CXCL13: variants seen among roughly 807,000 people sequenced by gnomAD.
The protein encoded by CXCL13 is C-X-C motif chemokine ligand 13, also known as C-X-C motif chemokine 13.
CXCL13 carries 7 observed loss-of-function variants against 12.2 expected under a neutral mutation model. That is an observed-to-expected ratio of 0.57 (90% CI 0.33 to 1.07). The LOEUF (loss-of-function observed/expected upper bound fraction) is 1.07. CXCL13 is among the 50% of genes least tolerant of loss of function. The probability of loss-of-function intolerance (pLI) is 0.04; values close to 1 mark genes in which losing one functional copy is unlikely to be tolerated. For missense variants in CXCL13, 113 were observed against 127.4 expected, an observed-to-expected ratio of 0.89 and a Z score of 0.55; for synonymous variants, 47 against 42.4, an observed-to-expected ratio of 1.11 and a Z score of -0.42.
chr4:77,541,957 T>C (rs189389453), intron 1 of CXCL13, among the ~76,000 whole-genome samples: 1 of 150,612 alleles, frequency 6.6e-6, no homozygotes, highest in Non-Finnish European at 1.5e-5. Flanking sequence ...CCTAGGTGGG[T>C]TTTTTTGTGG....
intron 1 of CXCL13, among the ~76,000 whole-genome samples, chr4:77,578,109 T>A (rs372920068): frequency 3.3e-5 from 5 of 152,280 alleles, no homozygotes; most frequent in South Asian, 4.1e-4. Flanking sequence ...AAGTCCTTTT[T>A]TACCAGTCAG....
In CXCL13 at chr4:77,557,778, G is replaced by A. The variant is rs913589277; in HGVS notation, c.-43+45990G>A. Among the ~76,000 whole-genome samples, 5 of 152,198 alleles carry A rather than the reference G, an allele frequency of 3.3e-5. No individual in the cohort carries two copies. The South Asian group carries it at 8.3e-4, about 25-fold the overall frequency. On this transcript the variant is annotated intron_variant, in intron 1 of 4. Coordinates refer to the CXCL13 transcript ENST00000286758. ...CACTGAACTTCTTACTGATGCTGGA[G>A]CTTCTCACACCAGGAAAATTCTTAT...
chr4:77,520,506 G>A lies in CXCL13; in HGVS notation c.-43+8718G>A, dbSNP rs139972205. Among the ~76,000 whole-genome samples, 469 of 152,154 alleles carry A rather than the reference G, an allele frequency of 3.1e-3. 2 individuals are homozygous for A. The highest frequency in any genetic ancestry group is 0.011 in the African/African-American group (460 of 41,508). On this transcript the variant is annotated intron_variant, in intron 1 of 4. Transcript: ENST00000286758. ...TGAATGGGAGTTCACTCATCATTTG[G>A]CTCTCTGTTTGTCTGCTATTGGTGT... is the stretch of plus-strand genomic sequence containing the variant.
At chr4:77,581,311 T>C (rs548320417) in intron 1 of CXCL13, among the ~76,000 whole-genome samples, 1 of 152,358 alleles carries the variant, frequency 6.6e-6, no homozygotes, top group South Asian at 2.1e-4. Flanking sequence ...AAATATGTGC[T>C]AAAATACAAG....
At chr4:77,522,433 T>C (rs1254940407) in intron 1 of CXCL13, among the ~76,000 whole-genome samples, 1 of 151,868 alleles carries the variant, frequency 6.6e-6, no homozygotes, top group East Asian at 1.9e-4. Context: ...CCCTTATCCA[T>C]TATGTAATGG....
chr4:77,514,197 G>A (rs948934189), intron 1 of CXCL13, among the ~76,000 whole-genome samples: 1 of 152,038 alleles, frequency 6.6e-6, no homozygotes, highest in Non-Finnish European at 1.5e-5. Flanking sequence ...TCTTAATCCA[G>A]TCTGTCATTG....
chr4:77,520,181 T>G (rs1398605768), intron 1 of CXCL13, among the ~76,000 whole-genome samples: 1 of 152,180 alleles, frequency 6.6e-6, no homozygotes, highest in African/African-American at 2.4e-5. Flanking sequence ...TGGCTTAGGA[T>G]TGTCTTGGCA....
At chr4:77,592,516 T>C (rs1170242712) in intron 1 of CXCL13, among the ~76,000 whole-genome samples, 5 of 152,194 alleles carry the variant, frequency 3.3e-5, no homozygotes, top group Admixed American at 6.5e-5. Context: ...GATGGATATA[T>C]TAACTAGCTT....
intron 1 of CXCL13, among the ~76,000 whole-genome samples, chr4:77,579,973 G>A (rs736749): frequency 0.012 from 1,881 of 152,268 alleles, 44 homozygotes; most frequent in African/African-American, 0.042. Flanking sequence ...GCCAGGCATA[G>A]ACACAGAGAG....
At chr4:77,610,950 C>T in intron 3 of CXCL13, 38 bp from the exon 4 acceptor site, 6 of 1,573,106 alleles carry the variant, frequency 3.8e-6, no homozygotes, top group Non-Finnish European at 5.2e-6. Context: ...TTGTGTTTCT[C>T]TAAACATGAC....
rs569014245 is a variant in CXCL13, at chr4:77,559,688, C to T, written c.-42-46136C>T. Among the ~76,000 whole-genome samples, 19 of 152,042 alleles carry T rather than the reference C, an allele frequency of 1.2e-4. No individual in the cohort carries two copies. The South Asian group carries it at 2.5e-3, about 20-fold the overall frequency. On this transcript the variant is annotated intron_variant, in intron 1 of 4. Coordinates refer to the CXCL13 transcript ENST00000286758. ...CTGTAATCCCAGTATTTTGGGAGGC[C>T]GAGGCAGGCAGATCACGAGGTCAGG... is the stretch of plus-strand genomic sequence containing the variant.
intron 1 of CXCL13, among the ~76,000 whole-genome samples, chr4:77,582,616 G>C (rs1349258480): frequency 6.6e-6 from 1 of 152,190 alleles, no homozygotes; most frequent in African/African-American, 2.4e-5. Flanking sequence ...GATGAGTCTA[G>C]ATAAATCAGA....
intron 1 of CXCL13, among the ~76,000 whole-genome samples, chr4:77,598,722 T>C (rs1394567524): frequency 1.3e-5 from 2 of 152,174 alleles, no homozygotes; most frequent in Non-Finnish European, 2.9e-5. Context: ...TGAGACTCCA[T>C]AGTGAACACA....
intron 1 of CXCL13, among the ~76,000 whole-genome samples, chr4:77,580,485 C>T (rs1177116234): frequency 6.6e-6 from 1 of 150,924 alleles, no homozygotes; most frequent in East Asian, 1.9e-4. Context: ...CACCACCACG[C>T]ACAGCTAATT....
Position 77,528,227 on chromosome 4 carries a change from C to T in CXCL13, c.-43+16439C>T, listed in dbSNP as rs183179009. On this transcript the variant is annotated intron_variant, in intron 1 of 4. Transcript: ENST00000286758. ...AAGTCTTTGCTATTGTGAATAGTGC[C>T]GCAATAAACATATGTGTGCATGTGT... Among the ~76,000 whole-genome samples, 330 of 152,122 alleles carry T rather than the reference C, an allele frequency of 2.2e-3. 2 individuals are homozygous for T. The highest frequency in any genetic ancestry group is 5.7e-3 in the African/African-American group (236 of 41,494).
At chr4:77,535,509 CTA>C (rs756123626) in intron 1 of CXCL13, among the ~76,000 whole-genome samples, 1 of 152,202 alleles carries the variant, frequency 6.6e-6, no homozygotes, top group Non-Finnish European at 1.5e-5. Context: ...GTGATGGAGA[CTA>C]TGTTTCCTCC....
intron 1 of CXCL13, among the ~76,000 whole-genome samples, chr4:77,525,736 G>A (rs184804872): frequency 7.2e-5 from 11 of 152,118 alleles, no homozygotes; most frequent in African/African-American, 2.4e-4. Context: ...CATGACATAA[G>A]GATTATGCAC....
In CXCL13 at chr4:77,573,623, T is replaced by TA. The variant is rs547828837; in HGVS notation, c.-42-32193dup. Among the ~76,000 whole-genome samples, 205 of 151,856 alleles carry TA rather than the reference T, an allele frequency of 1.3e-3. 5 individuals are homozygous for TA. The highest frequency in any genetic ancestry group is 5.0e-3 in the East Asian group (26 of 5,190). ...TGCCAAAGAAGATATTCTTTTATTT[T>TA]AAAAAAAATTGGCCAATTCAGATGT... is the stretch of plus-strand genomic sequence containing the variant. On this transcript the variant is annotated intron_variant, in intron 1 of 4. Coordinates refer to the CXCL13 transcript ENST00000286758.
intron 1 of CXCL13, among the ~76,000 whole-genome samples, chr4:77,534,860 T>G (rs1307571808): frequency 1.3e-5 from 2 of 152,216 alleles, no homozygotes; most frequent in East Asian, 3.8e-4. Context: ...CTATACACAT[T>G]TGTGGAACCT....
Sources: allele counts gnomAD v4.1 joint callset (sites outside exome capture counted in the v4.1 genomes callset), GRCh38; gene constraint gnomAD v4.1.1; transcripts MANE v1.5; gene names NCBI Gene and HGNC (gene_info 2026-07-23, HGNC 2026-07-21).